Variants in TTYH3 observed in about 807,000 individuals in gnomAD.
The protein encoded by TTYH3 is protein tweety homolog 3.
A neutral mutation model predicts 68.2 loss-of-function variants in TTYH3; 23 were observed. That is an observed-to-expected ratio of 0.34 (90% confidence interval 0.24 to 0.48). The LOEUF (loss-of-function observed/expected upper bound fraction) is 0.48. TTYH3 is among the 20% of genes least tolerant of loss of function. The probability of loss-of-function intolerance (pLI) is 0.99; values close to 1 mark genes in which losing one functional copy is unlikely to be tolerated. For missense variants in TTYH3, 768 were observed against 727.7 expected, an observed-to-expected ratio of 1.06 and a Z score of -0.64; for synonymous variants, 360 against 332.8, an observed-to-expected ratio of 1.08 and a Z score of -0.89.
At chr7:2,653,671 T>C (rs1786253603) in intron 9 of TTYH3, among the ~76,000 whole-genome samples, 1 of 152,230 alleles carries the variant, frequency 6.6e-6, no homozygotes, top group South Asian at 2.1e-4. Flanking sequence ...AATACCAGCC[T>C]GGCCAACATG....
At chr7:2,655,221 A>G (rs1169910009) in intron 9 of TTYH3, among the ~76,000 whole-genome samples, 6 of 151,964 alleles carry the variant, frequency 3.9e-5, no homozygotes, top group Non-Finnish European at 8.8e-5. Context: ...ATCTCAACTC[A>G]CGGCAAACTT....
intron 1 of TTYH3, among the ~76,000 whole-genome samples, chr7:2,636,020 C>A (rs1785647612): frequency 6.6e-6 from 1 of 152,238 alleles, no homozygotes. Context: ...AACTGGTGAG[C>A]CCTCTGTTCC....
At chr7:2,646,024 T>G (rs1785971201) in intron 1 of TTYH3, 1 of 336,360 alleles carries the variant, frequency 3.0e-6, no homozygotes, top group Non-Finnish European at 6.0e-6. Flanking sequence ...CAGCACTTTT[T>G]TTTTTTTTAG....
chr7:2,648,144 A>T, intron 5 of TTYH3, 90 bp downstream of exon 5: 1 of 1,274,096 alleles, frequency 7.8e-7, no homozygotes, highest in Non-Finnish European at 1.1e-6. Flanking sequence ...TCATCTGCAG[A>T]TCCTAGCCAC....
At chr7:2,638,562 C>G (rs1437898505) in intron 1 of TTYH3, among the ~76,000 whole-genome samples, 3 of 152,066 alleles carry the variant, frequency 2.0e-5, no homozygotes, top group Non-Finnish European at 4.4e-5. Context: ...TGCAGCCTGG[C>G]GACCTGGACC....
Position 2,662,225 on chromosome 7 carries a change from G to A in TTYH3, c.*486G>A, listed in dbSNP as rs1786517979. 5 of 239,438 alleles carry A rather than the reference G, an allele frequency of 2.1e-5. No individual in the cohort carries two copies. In the South Asian group the frequency reaches 2.6e-4, roughly 13 times the overall value. The allele number at this position is 239,438 out of a possible 1,614,324, so 14.8% of individuals were successfully genotyped here. A position where few individuals can be genotyped will look rare whatever the true frequency, so the allele number is the denominator to read the frequency against. Reference sequence around the variant, plus strand: ...GCCACCTGCTCATCTCTGCCCTGAGGTCACCCCGTGGTCCCTCCACGTGCC... The same window carrying A: ...GCCACCTGCTCATCTCTGCCCTGAGATCACCCCGTGGTCCCTCCACGTGCC... On this transcript the variant is annotated 3_prime_UTR_variant, in exon 14 of 14. Coordinates refer to ENST00000258796, the MANE Select transcript of TTYH3 (RefSeq NM_025250.3).
rs764463170 is a variant in TTYH3, at chr7:2,652,260, C to T, written c.927+18C>T. 39 of 1,609,008 alleles carry T rather than the reference C, an allele frequency of 2.4e-5. No individual in the cohort carries two copies. The highest frequency in any genetic ancestry group is 1.7e-4 in the Middle Eastern group (1 of 5,772). ...TCCAGCAGGTGAGAGCCTGGGAGGC[C>T]GGGACTGGGCTTCAGGAGAGTCTGA... On this transcript the variant is annotated intron_variant, in intron 8 of 13. Coordinates refer to ENST00000258796, the MANE Select transcript of TTYH3 (RefSeq NM_025250.3).
At chr7:2,639,516 C>T (rs149928759) in intron 1 of TTYH3, among the ~76,000 whole-genome samples, 182 of 152,334 alleles carry the variant, frequency 1.2e-3, no homozygotes, top group Non-Finnish European at 2.1e-3. Context: ...CGACCTAGCG[C>T]GGCCGAGCTG....
chr7:2,639,578 C>T (rs1785774863), intron 1 of TTYH3, among the ~76,000 whole-genome samples: 1 of 152,256 alleles, frequency 6.6e-6, no homozygotes, highest in Non-Finnish European at 1.5e-5. Context: ...CTAAGATGCC[C>T]TGGAAGCTGA....
Position 2,651,114 on chromosome 7 carries a change from G to C in TTYH3, c.872-1073G>C, listed in dbSNP as rs1398764563. On this transcript the variant is annotated intron_variant, in intron 7 of 13. Coordinates refer to ENST00000258796, the MANE Select transcript of TTYH3 (RefSeq NM_025250.3). Reference sequence around the variant, plus strand: ...TCGGACGGCACAGAGGCAGGTGGACGTGGGAATCTGGAGATCGGGGTGCCG... The same window carrying C: ...TCGGACGGCACAGAGGCAGGTGGACCTGGGAATCTGGAGATCGGGGTGCCG... Among the ~76,000 whole-genome samples, 10 of 152,208 alleles carry C rather than the reference G, an allele frequency of 6.6e-5. No homozygotes were observed. The East Asian group carries it at 1.7e-3, about 27-fold the overall frequency.
intron 1 of TTYH3, among the ~76,000 whole-genome samples, chr7:2,642,741 T>C (rs1785881562): frequency 6.7e-6 from 1 of 149,344 alleles, no homozygotes; most frequent in African/African-American, 2.5e-5. Flanking sequence ...AATAATTTTT[T>C]TCTTTTCTTT....
chr7:2,632,311 G>T (rs373881179), intron 1 of TTYH3, 33 bp downstream of exon 1: 2 of 1,529,534 alleles, frequency 1.3e-6, no homozygotes, highest in Non-Finnish European at 8.8e-7. Context: ...GCGGGGTCAG[G>T]GACCCCAGGT....
At chr7:2,635,347 G>A (rs1449697404) in intron 1 of TTYH3, among the ~76,000 whole-genome samples, 1 of 152,232 alleles carries the variant, frequency 6.6e-6, no homozygotes, top group Non-Finnish European at 1.5e-5. Flanking sequence ...CTTCCTGCGT[G>A]ACCTTGGGTG....
chr7:2,653,133 G>A, intron 9 of TTYH3, 123 bp downstream of exon 9: 2 of 807,838 alleles, frequency 2.5e-6, no homozygotes, highest in South Asian at 1.7e-5. Context: ...GGCCGAGTGG[G>A]GACCTGGTGT....
intron 7 of TTYH3, among the ~76,000 whole-genome samples, chr7:2,651,942 A>G (rs1349484637): frequency 2.6e-5 from 4 of 152,158 alleles, no homozygotes; most frequent in Non-Finnish European, 5.9e-5. Context: ...ACATGCACAC[A>G]TATAAACACA....
In TTYH3 at chr7:2,649,955, A is replaced by C. The variant is rs1173765096; in HGVS notation, c.838A>C (p.Lys280Gln). The C allele has an allele frequency of 6.2e-7, 1 of 1,613,954 alleles. No homozygotes were observed. The highest frequency in any genetic ancestry group is 2.2e-5 in the East Asian group (1 of 44,880). The change falls in exon 7 of 14, where the codon AAA (lysine) becomes CAA (glutamine). Residue 280 changes from lysine to glutamine, a missense_variant. Physicochemically the swap from Lys to Gln is moderately conservative, Grantham distance 53 (BLOSUM62 1). Transcript: ENST00000258796. The part of the protein sequence containing the change: ...FCVDPDAYVT[K>Q]MVEEYSVLSG... Reference sequence around the variant, plus strand: ...TGTGGACCCTGACGCCTACGTGACCAAAATGGTGGAGGAGTACTCGGTGCT... The same window carrying C: ...TGTGGACCCTGACGCCTACGTGACCCAAATGGTGGAGGAGTACTCGGTGCT...
At position 2,649,588 on chromosome 7, in the gene TTYH3, G is replaced by A; in HGVS notation, c.744G>A (p.Leu248=). Residue 248 remains leucine, a synonymous_variant, in exon 6 of 14, where the codon CTG becomes CTA. Transcript: ENST00000258796. ...ILVGVCLLGV[L]ALVISWGALG... is the part of the protein sequence containing the mutation. ...CCAGGGTCTGCCTGCTGGGAGTCCT[G>A]GCCCTGGTCATCAGCTGGGGCGCGC... The A allele has an allele frequency of 6.3e-7, 1 of 1,594,792 alleles. No homozygotes were observed.
At chr7:2,657,488 ATGG>A (rs1448198329) in intron 11 of TTYH3, among the ~76,000 whole-genome samples, 2 of 151,788 alleles carry the variant, frequency 1.3e-5, no homozygotes, top group Non-Finnish European at 2.9e-5. Context: ...GATGTCGGTG[ATGG>A]TGGTGGTGAT....
intron 11 of TTYH3, among the ~76,000 whole-genome samples, chr7:2,657,952 GT>G (rs1786382923): frequency 3.9e-5 from 6 of 152,308 alleles, no homozygotes; most frequent in Non-Finnish European, 7.4e-5. Context: ...CCAGCCTCCT[GT>G]GCCTTCAAGA....
Sources: allele counts gnomAD v4.1 joint callset (sites outside exome capture counted in the v4.1 genomes callset), GRCh38; gene constraint gnomAD v4.1.1; transcripts MANE v1.5; gene names NCBI Gene and HGNC (gene_info 2026-07-23, HGNC 2026-07-21).